SOD2: variants seen among roughly 807,000 people sequenced by gnomAD.
SOD2 encodes superoxide dismutase [Mn], mitochondrial.
Under a neutral mutation model 27.0 loss-of-function variants are expected in SOD2, and 11 were observed. The ratio of observed to expected loss-of-function variants is 0.41; its 90% CI spans 0.26 to 0.67. The LOEUF (loss-of-function observed/expected upper bound fraction) is 0.67. Ranked by LOEUF, SOD2 falls within the 30% of genes least tolerant of loss-of-function variation. The pLI is 0.34. For synonymous variants in SOD2, 105 were observed against 103.0 expected (o/e 1.02, Z -0.12); for missense variants, 250 against 274.5 (o/e 0.91, Z 0.63).
At chr6:159,748,865 T>G, upstream of SOD2, 2 of 1,209,350 alleles carry the variant, frequency 1.7e-6, no homozygotes, top group Non-Finnish European at 2.1e-6. This position sits in a 1 kb window ranked among gnomAD's most constrained non-coding sequence, Gnocchi z 5.6. Context: ...AGACACTGTG[T>G]ATCAGTTTTG....
chr6:159,711,715 T>C (rs375316271), intron 1 of SOD2, among the ~76,000 whole-genome samples: 191 of 84,660 alleles, frequency 2.3e-3, no homozygotes, highest in African/African-American at 3.4e-3. Context: ...ACTGCTCTGA[T>C]CACCATAACC....
At chr6:159,731,259 A>C (rs1299420022), upstream of SOD2, among the ~76,000 whole-genome samples, 1 of 151,766 alleles carries the variant, frequency 6.6e-6, no homozygotes, top group African/African-American at 2.4e-5. Context: ...CCAGGAGTTC[A>C]AGACCAGCCT....
chr6:159,692,013 G>C (rs1777222167), intron 2 of SOD2: 1 of 153,292 alleles, frequency 6.5e-6, no homozygotes, highest in Admixed American at 6.5e-5. Flanking sequence ...TGGGGATGCA[G>C]GGAGTCTCCA....
rs900691654 is a variant in SOD2 at position 159,681,506 on chromosome 6, G to A, written c.*987C>T. ...GCCAGACCTTAATGTTCCTTTCTGC[G>A]GACCCCAAGTTTTTAGACAAAGCTT... On this transcript the variant is annotated 3_prime_UTR_variant, in exon 5 of 5. Transcript: ENST00000538183. 1.3e-5 allele frequency: 2 copies of A among 152,084 alleles called. No homozygotes were observed. The highest frequency in any genetic ancestry group is 2.9e-5 in the Non-Finnish European group (2 of 68,062). 9.4% of individuals were successfully genotyped at this position (152,084 alleles called of 1,614,324 possible).
intron 1 of SOD2, among the ~76,000 whole-genome samples, chr6:159,732,698 C>T (rs1452787093): frequency 2.0e-5 from 3 of 152,042 alleles, no homozygotes; most frequent in African/African-American, 7.2e-5. Flanking sequence ...GTGGCAGGCA[C>T]CTGTAATCTC....
intron 1 of SOD2, among the ~76,000 whole-genome samples, chr6:159,732,969 A>AT (rs1778680930): frequency 6.6e-6 from 1 of 151,740 alleles, no homozygotes; most frequent in African/African-American, 2.4e-5. Context: ...GAAATGCCAG[A>AT]TTTGATATCT....
At chr6:159,694,971 C>T (rs1016570477), upstream of SOD2, among the ~76,000 whole-genome samples, 2 of 152,096 alleles carry the variant, frequency 1.3e-5, no homozygotes, top group Non-Finnish European at 2.9e-5. Context: ...AGCTGAGAAA[C>T]ATTTCTGCTG....
chr6:159,700,742 C>A (rs1313233564), intron 1 of SOD2, among the ~76,000 whole-genome samples: 1 of 151,802 alleles, frequency 6.6e-6, no homozygotes, highest in East Asian at 1.9e-4. Context: ...AAGACTTAGT[C>A]TCTAAGTACT....
At chr6:159,728,361 C>T (rs1036785998), upstream of SOD2, among the ~76,000 whole-genome samples, 1 of 151,764 alleles carries the variant, frequency 6.6e-6, no homozygotes, top group African/African-American at 2.4e-5. Context: ...GTTGTTTGAT[C>T]CCAAAGGATT....
At chr6:159,719,022 GT>G (rs112652349) in intron 1 of SOD2, among the ~76,000 whole-genome samples, 18 of 149,402 alleles carry the variant, frequency 1.2e-4, no homozygotes, top group South Asian at 8.5e-4. Context: ...TAGACTTACT[GT>G]TTTTTTTTTC....
intron 1 of SOD2, among the ~76,000 whole-genome samples, chr6:159,709,475 C>A (rs1777689276): frequency 1.3e-5 from 2 of 152,038 alleles, no homozygotes; most frequent in Admixed American, 1.3e-4. Flanking sequence ...CAGACACTCC[C>A]CAAAAGAAGA....
At position 159,714,431 on chromosome 6, in the gene SOD2, TCTC is replaced by T. The variant is rs369744164; in HGVS notation, c.-116+12695_-116+12697del. 2.2e-3 allele frequency among the ~76,000 whole-genome samples: 329 copies of T among 152,194 alleles called. 9 individuals carry two copies. The South Asian group carries it at 0.032, about 15-fold the overall frequency. On this transcript the variant is annotated intron_variant, in intron 1 of 2. Coordinates refer to the SOD2 transcript ENST00000401980. Reference sequence around the variant, plus strand: ...AGACCCGCACATTCCATCAGTCCCTTCTCCTGACTGTACACTCCCTACTTCACT... The same window carrying T: ...AGACCCGCACATTCCATCAGTCCCTTCTGACTGTACACTCCCTACTTCACT...
At chr6:159,727,073 C>T (rs1324145949) in intron 1 of SOD2, 2 of 1,207,036 alleles carry the variant, frequency 1.7e-6, no homozygotes, top group African/African-American at 1.6e-5. Context: ...CCGTGATGCC[C>T]TGGGGCTGAC....
At chr6:159,762,140 T>A in exon 1 of SOD2, 1 of 1,611,588 alleles carries the variant, frequency 6.2e-7, no homozygotes, top group Non-Finnish European at 8.5e-7. Context: ...CGGACCATCA[T>A]AGGTGAGTGG....
chr6:159,705,129 G>A (rs1443186743), intron 1 of SOD2, among the ~76,000 whole-genome samples: 15 of 152,070 alleles, frequency 9.9e-5, no homozygotes, highest in South Asian at 6.2e-4. Context: ...GTACGTCACC[G>A]TCATCAAAGA....
chr6:159,741,697 C>G, intron 1 of SOD2: 1 of 168,356 alleles, frequency 5.9e-6, no homozygotes. Flanking sequence ...ATCAGTTAAA[C>G]TAGATTTAGG....
At chr6:159,735,311 T>G (rs1778839320) in intron 1 of SOD2, among the ~76,000 whole-genome samples, 1 of 152,158 alleles carries the variant, frequency 6.6e-6, no homozygotes, top group Non-Finnish European at 1.5e-5. Context: ...GCTAATTTTT[T>G]TAATTTTTTG....
intron 1 of SOD2, chr6:159,742,049 T>G: frequency 2.1e-6 from 3 of 1,417,170 alleles, no homozygotes; most frequent in Non-Finnish European, 2.9e-6. Context: ...AATAAACTAT[T>G]TTATCGTAAC....
At chr6:159,761,420 T>C in exon 1 of SOD2, 1 of 419,004 alleles carries the variant, frequency 2.4e-6, no homozygotes, top group Non-Finnish European at 4.7e-6. Flanking sequence ...CCCGGCGTCC[T>C]CACCCGTTCA....
Sources: allele counts gnomAD v4.1 joint callset (sites outside exome capture counted in the v4.1 genomes callset), GRCh38; gene constraint gnomAD v4.1.1; non-coding constraint Gnocchi (gnomAD v3.1); transcripts MANE v1.5; gene names NCBI Gene and HGNC (gene_info 2026-07-23, HGNC 2026-07-21).